CADPS2: variants seen among roughly 807,000 people sequenced by gnomAD.
CADPS2 encodes calcium dependent secretion activator 2.
In CADPS2, 93 loss-of-function variants were observed where a neutral mutation model predicts 172.5. The observed-to-expected ratio is 0.54, with a 90% confidence interval of 0.46 to 0.64. The LOEUF (loss-of-function observed/expected upper bound fraction) is 0.64, where lower values mean the gene tolerates loss of function less well. CADPS2 is among the 30% of genes least tolerant of loss of function. The pLI, the probability that CADPS2 is intolerant of heterozygous loss-of-function variation, is 0.00. For synonymous variants in CADPS2, 546 were observed against 555.2 expected (o/e 0.98, Z 0.23); for missense variants, 1,420 against 1,565.9 (o/e 0.91, Z 1.57).
chr7:122,538,001 A>G (rs2062487016), intron 8 of CADPS2, among the ~76,000 whole-genome samples: 1 of 151,840 alleles, frequency 6.6e-6, no homozygotes, highest in Non-Finnish European at 1.5e-5. Flanking sequence ...CCGATCAACA[A>G]TTACTAAAAA....
intron 1 of CADPS2, among the ~76,000 whole-genome samples, chr7:122,781,947 A>G (rs1792846880): frequency 6.6e-6 from 1 of 152,202 alleles, no homozygotes; most frequent in African/African-American, 2.4e-5. Context: ...ATGCTACTGA[A>G]TCTTTCATCT....
At chr7:122,499,997 A>T (rs550234046) in intron 9 of CADPS2, among the ~76,000 whole-genome samples, 7 of 152,148 alleles carry the variant, frequency 4.6e-5, no homozygotes, top group Non-Finnish European at 7.4e-5. Context: ...CTGGCTCACA[A>T]ACATTTCCAT....
chr7:122,474,587 A>G, intron 12 of CADPS2, 70 bp from the exon 13 acceptor site: 1 of 1,458,880 alleles, frequency 6.9e-7, no homozygotes, highest in Middle Eastern at 1.8e-4. Flanking sequence ...CAAGTTGTGA[A>G]GAATACAAAA....
intron 1 of CADPS2, among the ~76,000 whole-genome samples, chr7:122,758,635 CAT>C (rs1205429557): frequency 6.6e-6 from 1 of 152,090 alleles, no homozygotes; most frequent in East Asian, 1.9e-4. Flanking sequence ...TACACAAAGA[CAT>C]AGAGCAAAAG....
At chr7:122,326,112 C>T (rs550501635) in intron 28 of CADPS2, among the ~76,000 whole-genome samples, 1 of 151,144 alleles carries the variant, frequency 6.6e-6, no homozygotes. Context: ...AAACAGTAAT[C>T]CTCAATCACA....
At chr7:122,578,616 G>A (rs138347661) in intron 7 of CADPS2, among the ~76,000 whole-genome samples, 8 of 152,204 alleles carry the variant, frequency 5.3e-5, no homozygotes, top group African/African-American at 1.9e-4. Flanking sequence ...CCACACCTGA[G>A]AACACCTGTC....
At chr7:122,681,807 G>C (rs1309520969) in intron 2 of CADPS2, 4 of 476,822 alleles carry the variant, frequency 8.4e-6, no homozygotes, top group African/African-American at 2.0e-5. Context: ...AAAACCCTTA[G>C]ACCAAATATA....
intron 27 of CADPS2, among the ~76,000 whole-genome samples, chr7:122,350,673 T>C (rs753241745): frequency 1.1e-4 from 17 of 152,074 alleles, no homozygotes; most frequent in Admixed American, 3.9e-4. Flanking sequence ...TTAATAAATA[T>C]GATGGGAAGA....
At chr7:122,832,961 T>G (rs1379008543) in intron 1 of CADPS2, among the ~76,000 whole-genome samples, 5 of 152,220 alleles carry the variant, frequency 3.3e-5, no homozygotes, top group Admixed American at 2.0e-4. Context: ...TGTGAATACA[T>G]TTCTCGTCTT....
chr7:122,468,014 C>CT (rs2152128486), intron 14 of CADPS2, among the ~76,000 whole-genome samples: 1 of 152,192 alleles, frequency 6.6e-6, no homozygotes, highest in East Asian at 1.9e-4. Context: ...CTGTTTAACT[C>CT]TATTCTTTTA....
chr7:122,679,901 C>G (rs1206120736), intron 2 of CADPS2, among the ~76,000 whole-genome samples: 4 of 152,054 alleles, frequency 2.6e-5, no homozygotes, highest in Non-Finnish European at 5.9e-5. Context: ...GTTTTTAGTC[C>G]CTGAGAAAGA....
In CADPS2 at chr7:122,325,567, AC is replaced by A; in HGVS notation, c.3626del (p.Ser1209IlefsTer3). On this transcript the variant is annotated frameshift_variant, in exon 29 of 30. Coordinates refer to ENST00000449022, the MANE Select transcript of CADPS2 (RefSeq NM_017954.11). LOFTEE classifies it high-confidence loss of function. ...IEKLFDQWYS[S>X]SMKVICVWLT... is the part of the protein sequence containing the mutation. The stretch of plus-strand genomic sequence containing the variant: ...ACCACACGCAAATGACTTTCATGGA[AC>A]TGCTGTACCATTGCTAGAAGGGAGA... The A allele has an allele frequency of 6.2e-7, 1 of 1,609,236 alleles. No homozygotes were observed. Among genetic ancestry groups the A allele is most frequent in the Non-Finnish European group, 8.5e-7 (1 of 1,177,130 alleles).
At chr7:122,709,815 C>A (rs2088373014) in intron 2 of CADPS2, among the ~76,000 whole-genome samples, 1 of 151,644 alleles carries the variant, frequency 6.6e-6, no homozygotes, top group East Asian at 1.9e-4. Context: ...GGACAAAAAA[C>A]CAAACACCAC....
chr7:122,820,117 A>G (rs1277938185), intron 1 of CADPS2, among the ~76,000 whole-genome samples: 2 of 151,878 alleles, frequency 1.3e-5, no homozygotes, highest in African/African-American at 4.8e-5. Flanking sequence ...AAACCCATAT[A>G]CTCTCCTATC....
At position 122,471,571 on chromosome 7, in the gene CADPS2, T is replaced by TA. The variant is rs2055945026; in HGVS notation, c.1999-10dup. On this transcript the variant is annotated splice_polypyrimidine_tract_variant and intron_variant, in intron 13 of 29. Coordinates refer to ENST00000449022, the MANE Select transcript of CADPS2 (RefSeq NM_017954.11). The stretch of plus-strand genomic sequence containing the variant: ...CCAGGGCTAAACCATCCCTGCAAAA[T>TA]AAAAAAAGAATAGATATACATGTTT... 2 of 1,549,860 alleles carry TA rather than the reference T, an allele frequency of 1.3e-6. No homozygotes were observed. The highest frequency in any genetic ancestry group is 2.4e-5 in the East Asian group (1 of 41,804).
At chr7:122,652,403 C>A (rs1588143286) in intron 3 of CADPS2, among the ~76,000 whole-genome samples, 1 of 152,156 alleles carries the variant, frequency 6.6e-6, no homozygotes, top group Non-Finnish European at 1.5e-5. Flanking sequence ...ACTTAAGTAA[C>A]AGCATTTTCA....
intron 1 of CADPS2, among the ~76,000 whole-genome samples, chr7:122,795,140 T>C (rs2139781281): frequency 6.6e-6 from 1 of 151,002 alleles, no homozygotes; most frequent in Non-Finnish European, 1.5e-5. Context: ...TGAAGGAGAT[T>C]GAGACATAAA....
chr7:122,697,855 T>A, intron 2 of CADPS2: 4 of 1,612,572 alleles, frequency 2.5e-6, no homozygotes, highest in Non-Finnish European at 3.4e-6. Context: ...AGAAGTAGGG[T>A]TCTCCTCCAC....
intron 6 of CADPS2, among the ~76,000 whole-genome samples, chr7:122,608,307 T>G (rs2133702139): frequency 6.6e-6 from 1 of 152,296 alleles, no homozygotes; most frequent in African/African-American, 2.4e-5. Context: ...ACTAATGAAT[T>G]ATACTTCAAA....
Sources: gnomAD v4.1 joint callset for allele counts (sites outside exome capture counted in the v4.1 genomes callset) on GRCh38, gnomAD v4.1.1 for gene constraint, MANE v1.5 for transcripts, NCBI Gene and HGNC (gene_info 2026-07-23, HGNC 2026-07-21) for gene names.